The following CHST8 variants were observed in gnomAD, a reference collection of about 807,000 sequenced individuals.
CHST8 encodes the protein carbohydrate sulfotransferase 8.
In CHST8, 10 loss-of-function variants were observed where a neutral mutation model predicts 15.0. That is an observed-to-expected ratio of 0.67 (90% CI 0.41 to 1.13). The LOEUF is 1.13. CHST8 is among the 50% of genes most tolerant of loss of function. The pLI, the probability that CHST8 is intolerant of heterozygous loss-of-function variation, is 0.00. For synonymous variants in CHST8, 259 were observed against 256.6 expected, an observed-to-expected ratio of 1.01 and a Z score of -0.09; for missense variants, 634 against 608.2, an observed-to-expected ratio of 1.04 and a Z score of -0.45.
intron 1 of CHST8, among the ~76,000 whole-genome samples, chr19:33,666,181 G>A (rs1176158029): frequency 6.6e-6 from 1 of 152,204 alleles, no homozygotes; most frequent in Non-Finnish European, 1.5e-5. Context: ...ATCTGGAACT[G>A]AGCCCTTCAT....
intron 3 of CHST8, among the ~76,000 whole-genome samples, chr19:33,755,400 C>T (rs745573161): frequency 6.6e-6 from 1 of 152,198 alleles, no homozygotes; most frequent in East Asian, 1.9e-4. Context: ...TGTAATCCTC[C>T]GGACATAAAT....
chr19:33,693,008 CTT>C (rs371300363), intron 3 of CHST8, among the ~76,000 whole-genome samples: 8 of 140,858 alleles, frequency 5.7e-5, no homozygotes, highest in Admixed American at 2.2e-4. Flanking sequence ...TTCTTTCTTT[CTT>C]TTTTTTTTTT....
chr19:33,767,763 T>C (rs946040350), intron 3 of CHST8, among the ~76,000 whole-genome samples: 1 of 152,146 alleles, frequency 6.6e-6, no homozygotes. Flanking sequence ...GGTCTTGGAT[T>C]CTGTCGCAGG....
chr19:33,625,795 GAA>G (rs1177125513), intron 1 of CHST8, among the ~76,000 whole-genome samples: 3 of 152,314 alleles, frequency 2.0e-5, no homozygotes, highest in African/African-American at 2.4e-5. Flanking sequence ...CTGGGAGACA[GAA>G]GTTGCAGTGA....
chr19:33,747,857 G>T (rs75736893), intron 3 of CHST8, among the ~76,000 whole-genome samples: 4,936 of 152,186 alleles, frequency 0.032, 250 homozygotes, highest in African/African-American at 0.11. Context: ...TGACACACAA[G>T]GGGGGTTCCT....
At chr19:33,763,779 G>T (rs2145383027) in intron 3 of CHST8, among the ~76,000 whole-genome samples, 1 of 152,370 alleles carries the variant, frequency 6.6e-6, no homozygotes, top group South Asian at 2.1e-4. Flanking sequence ...GGAGGATGCA[G>T]TTCACAGTGA....
chr19:33,640,901 A>G (rs1164964704), intron 1 of CHST8, among the ~76,000 whole-genome samples: 2 of 152,002 alleles, frequency 1.3e-5, no homozygotes, highest in African/African-American at 4.8e-5. Context: ...TGATGCTCCC[A>G]GGGGCGCCCC....
chr19:33,637,859 G>GAAA (rs566331956), intron 1 of CHST8, among the ~76,000 whole-genome samples: 3 of 75,318 alleles, frequency 4.0e-5, no homozygotes, highest in African/African-American at 1.0e-4. Flanking sequence ...TATCTCTTAA[G>GAAA]AAAAAAAAAA....
In CHST8 at chr19:33,689,227, C is replaced by G; in HGVS notation, c.-35C>G. The G allele has an allele frequency of 6.6e-7, 1 of 1,515,226 alleles. No homozygotes were observed. The highest frequency in any genetic ancestry group is 8.8e-7 in the Non-Finnish European group (1 of 1,131,800). The allele number at this position is 1,515,226 out of a possible 1,614,324, so 93.9% of individuals were successfully genotyped here. Reference sequence around the variant, plus strand: ...GGACGATGAGGGAAGAACGTGCCCCCCACACCCAAGAGGTGACCCCTGAGC... The same window carrying G: ...GGACGATGAGGGAAGAACGTGCCCCGCACACCCAAGAGGTGACCCCTGAGC... On this transcript the variant is annotated 5_prime_UTR_variant, in exon 3 of 5. Transcript: ENST00000650847.
chr19:33,682,621 C>A (rs1357923323), intron 2 of CHST8, among the ~76,000 whole-genome samples: 3 of 152,200 alleles, frequency 2.0e-5, no homozygotes, highest in Non-Finnish European at 4.4e-5. Flanking sequence ...TTGGACTACT[C>A]CTGGTACTTC....
At chr19:33,663,765 G>T (rs1348968874) in intron 1 of CHST8, among the ~76,000 whole-genome samples, 1 of 152,128 alleles carries the variant, frequency 6.6e-6, no homozygotes, top group Non-Finnish European at 1.5e-5. Context: ...AGCTACTTGG[G>T]AGGCTGAGGT....
chr19:33,707,722 G>A (rs1462841574), intron 3 of CHST8, among the ~76,000 whole-genome samples: 1 of 152,186 alleles, frequency 6.6e-6, no homozygotes, highest in East Asian at 1.9e-4. Flanking sequence ...GAACATTCAT[G>A]TGAAAGTTTT....
intron 3 of CHST8, among the ~76,000 whole-genome samples, chr19:33,765,513 T>TTGTGTG (rs61673440): frequency 0.016 from 2,051 of 131,492 alleles, 34 homozygotes; most frequent in African/African-American, 0.031. Flanking sequence ...ATGCCAGTCT[T>TTGTGTG]TGTGTGTGTG....
chr19:33,654,324 C>T (rs552910252), intron 1 of CHST8, among the ~76,000 whole-genome samples: 176 of 152,066 alleles, frequency 1.2e-3, no homozygotes, highest in Non-Finnish European at 1.5e-3. Flanking sequence ...AGGTTTCTCC[C>T]TCATCTTGGA....
chr19:33,725,130 G>A (rs1321317969), intron 3 of CHST8, among the ~76,000 whole-genome samples: 2 of 152,112 alleles, frequency 1.3e-5, no homozygotes, highest in Non-Finnish European at 2.9e-5. Flanking sequence ...GGTGTCTCCA[G>A]AGCTGCGTGG....
At chr19:33,684,687 G>A (rs1972943600) in intron 2 of CHST8, 2 of 152,206 alleles carry the variant, frequency 1.3e-5, no homozygotes, top group Non-Finnish European at 2.9e-5. Flanking sequence ...ACAGAAGGAG[G>A]TGGTGCTCTC....
At chr19:33,624,891 CT>C (rs1377583409) in intron 1 of CHST8, among the ~76,000 whole-genome samples, 1 of 152,146 alleles carries the variant, frequency 6.6e-6, no homozygotes, top group Non-Finnish European at 1.5e-5. Flanking sequence ...AGGTCCCTGG[CT>C]GATGTCCCCA....
chr19:33,671,625 C>T (rs763026410), intron 2 of CHST8, among the ~76,000 whole-genome samples: 1 of 141,840 alleles, frequency 7.1e-6, no homozygotes, highest in Non-Finnish European at 1.6e-5. Context: ...CTGATTCCCT[C>T]TATAACCCTT....
At chr19:33,630,650 A>C (rs548370847) in intron 1 of CHST8, among the ~76,000 whole-genome samples, 13 of 119,972 alleles carry the variant, frequency 1.1e-4, no homozygotes, top group South Asian at 2.8e-4. Flanking sequence ...TCCGTCTACG[A>C]TGACGGAGCC....
Sources: allele counts gnomAD v4.1 joint callset (sites outside exome capture counted in the v4.1 genomes callset), GRCh38; gene constraint gnomAD v4.1.1; transcripts MANE v1.5; gene names NCBI Gene and HGNC (gene_info 2026-07-23, HGNC 2026-07-21).